ZFP2: variants seen among roughly 807,000 people sequenced by gnomAD.
The protein encoded by ZFP2 is ZFP2 zinc finger protein.
A neutral mutation model predicts 36.1 loss-of-function variants in ZFP2; 33 were observed. The observed-to-expected ratio is 0.92, with a 90% CI of 0.69 to 1.22. ZFP2 has a LOEUF of 1.22. Among genes scored for constraint, ZFP2 ranks in the 50% most tolerant of loss-of-function variants. ZFP2 has a pLI of 0.00. For synonymous variants in ZFP2, 170 were observed against 178.0 expected, an observed-to-expected ratio of 0.96 and a Z score of 0.36; for missense variants, 522 against 551.4, an observed-to-expected ratio of 0.95 and a Z score of 0.53.
intron 1 of ZFP2, among the ~76,000 whole-genome samples, chr5:178,903,933 G>A (rs529873331): frequency 6.6e-6 from 1 of 152,126 alleles, no homozygotes; most frequent in Non-Finnish European, 1.5e-5. Flanking sequence ...GAAGGTTGCC[G>A]TGAGCCAAGA....
chr5:178,916,226 G>C (rs7701607), intron 3 of ZFP2, among the ~76,000 whole-genome samples: 55,038 of 151,890 alleles, frequency 0.36, 10,202 homozygotes, highest in East Asian at 0.49. Context: ...ATGCCTGTTG[G>C]ATTTGGTGAT....
intron 4 of ZFP2, among the ~76,000 whole-genome samples, chr5:178,921,244 G>A (rs1758555973): frequency 2.0e-5 from 3 of 152,160 alleles, no homozygotes. Context: ...TCATGTTCCC[G>A]AATTCTCCCC....
At chr5:178,897,548 T>C (rs1184260564) in intron 1 of ZFP2, among the ~76,000 whole-genome samples, 1 of 152,206 alleles carries the variant, frequency 6.6e-6, no homozygotes, top group African/African-American at 2.4e-5. Flanking sequence ...TGTGTACATT[T>C]TTATTTTTTT....
chr5:178,914,393 A>G (rs1215846132), intron 3 of ZFP2, among the ~76,000 whole-genome samples: 1 of 152,190 alleles, frequency 6.6e-6, no homozygotes, highest in African/African-American at 2.4e-5. Context: ...TGGTCTTGCT[A>G]CATATTGCAC....
At chr5:178,899,176 G>A (rs76422400) in intron 1 of ZFP2, among the ~76,000 whole-genome samples, 20,907 of 152,092 alleles carry the variant, frequency 0.14, 1,666 homozygotes, top group African/African-American at 0.22. Flanking sequence ...TTAAATCCCA[G>A]CTCTACCATT....
chr5:178,932,542 A>T lies in ZFP2; in HGVS notation c.1229A>T (p.Tyr410Phe). 6.2e-7 allele frequency: 1 copy of T among 1,614,148 alleles called. No homozygotes were observed. The highest frequency in any genetic ancestry group is 1.1e-5 in the South Asian group (1 of 91,080). ...AGAATTCATACTGGTGAGAAACCCT[A>T]TGAATGTGATCAGTGTGGAAAAGCC... ...HQRIHTGEKPYECDQCGKAFI... is the reference protein window; with the variant it reads ...HQRIHTGEKPFECDQCGKAFI... The change falls in exon 5 of 5, where the codon TAT (tyrosine) becomes TTT (phenylalanine). Residue 410 changes from tyrosine to phenylalanine, a missense_variant. Physicochemically the swap from Tyr to Phe is conservative, Grantham distance 22 (BLOSUM62 3). Coordinates refer to ENST00000361362, the MANE Select transcript of ZFP2 (RefSeq NM_030613.4).
At chr5:178,923,544 A>G (rs1285803818) in intron 4 of ZFP2, among the ~76,000 whole-genome samples, 1 of 149,664 alleles carries the variant, frequency 6.7e-6, no homozygotes, top group East Asian at 1.9e-4. Context: ...TTTAAATAAT[A>G]GCAGAAATGG....
chr5:178,930,181 A>T (rs1007135981), intron 4 of ZFP2, among the ~76,000 whole-genome samples: 4 of 151,850 alleles, frequency 2.6e-5, no homozygotes, highest in Admixed American at 2.0e-4. Context: ...AACACTGGGG[A>T]TTACATTTCA....
chr5:178,908,207 G>A (rs1460201369), intron 1 of ZFP2, among the ~76,000 whole-genome samples: 2 of 152,080 alleles, frequency 1.3e-5, no homozygotes, highest in East Asian at 1.9e-4. Flanking sequence ...CCAGCACTTT[G>A]GGAGGCTAAG....
In ZFP2 at chr5:178,931,840, A is replaced by G. The variant is rs1364335768; in HGVS notation, c.527A>G (p.His176Arg). ...AGTCAGAGCATGAATCTTACTGTCC[A>G]TCAACGAACTCACACCGGAGAGAAA... ...AFSQSMNLTV[H>R]QRTHTGEKPY... is the part of the protein sequence containing the mutation. The change falls in exon 5 of 5, where the codon CAT (histidine) becomes CGT (arginine). Residue 176 changes from histidine (H) to arginine (R), a missense_variant. By Grantham distance (29) the His-to-Arg change is conservative (BLOSUM62 0). Transcript: ENST00000361362. The G allele has an allele frequency of 3.1e-6, 5 of 1,612,708 alleles. No homozygotes were observed. The South Asian group carries it at 3.3e-5, about 11-fold the overall frequency.
chr5:178,908,239 G>A (rs1241276590), intron 1 of ZFP2, among the ~76,000 whole-genome samples: 1 of 152,096 alleles, frequency 6.6e-6, no homozygotes, highest in Non-Finnish European at 1.5e-5. Flanking sequence ...ATGAGGTCAG[G>A]AGATCGAGAC....
chr5:178,909,933 T>G, intron 1 of ZFP2: 1 of 1,454,294 alleles, frequency 6.9e-7, no homozygotes, highest in Non-Finnish European at 9.6e-7. Flanking sequence ...CAAGGGGTTC[T>G]CTGTTAGGAA....
chr5:178,911,925 C>G (rs556526979), intron 1 of ZFP2, among the ~76,000 whole-genome samples: 1 of 152,214 alleles, frequency 6.6e-6, no homozygotes, highest in African/African-American at 2.4e-5. Context: ...CACTTGAGGT[C>G]AGGAGTTTGA....
At position 178,925,538 on chromosome 5, in the gene ZFP2, A is replaced by C. The variant is rs913207321; in HGVS notation, c.-77-5699A>C. On this transcript the variant is annotated intron_variant, in intron 4 of 4. Coordinates refer to ENST00000361362, the MANE Select transcript of ZFP2 (RefSeq NM_030613.4). The stretch of plus-strand genomic sequence containing the variant: ...AGTATGTGGAAGTTCCCACTATTGC[A>C]TCTTTCCAAAATCTGAAGCTGTCAG... Among the ~76,000 whole-genome samples the C allele has an allele frequency of 3.3e-5, 5 of 149,742 alleles. 1 individual carries two copies. In the South Asian group the frequency reaches 1.1e-3, roughly 31 times the overall value.
At chr5:178,922,014 A>T in intron 4 of ZFP2, 1 of 669,442 alleles carries the variant, frequency 1.5e-6, no homozygotes, top group Non-Finnish European at 2.8e-6. Flanking sequence ...AAAAACATTT[A>T]AAGCTCCTTC....
At chr5:178,901,389 C>T (rs1035775224) in intron 1 of ZFP2, among the ~76,000 whole-genome samples, 4 of 152,174 alleles carry the variant, frequency 2.6e-5, no homozygotes, top group Non-Finnish European at 4.4e-5. Context: ...TTTATTGTCT[C>T]ACAGTTTTGG....
At chr5:178,911,253 G>A (rs1379159674) in intron 1 of ZFP2, among the ~76,000 whole-genome samples, 1 of 152,160 alleles carries the variant, frequency 6.6e-6, no homozygotes, top group Non-Finnish European at 1.5e-5. Context: ...CCTAGTCTTG[G>A]ATGTGAAGTA....
intron 1 of ZFP2, among the ~76,000 whole-genome samples, chr5:178,908,271 A>AC (rs1316363057): frequency 1.6e-4 from 24 of 152,088 alleles, no homozygotes; most frequent in Non-Finnish European, 4.4e-5. Context: ...ACATGGTGAA[A>AC]CCCTGTCTCT....
chr5:178,930,945 T>G (rs1324893316), intron 4 of ZFP2, among the ~76,000 whole-genome samples: 4 of 152,210 alleles, frequency 2.6e-5, no homozygotes, highest in Non-Finnish European at 5.9e-5. Flanking sequence ...ACTCCAGTGG[T>G]CAGTGCCTTC....
Sources: gnomAD v4.1 joint callset for allele counts (sites outside exome capture counted in the v4.1 genomes callset) on GRCh38, gnomAD v4.1.1 for gene constraint, MANE v1.5 for transcripts, NCBI Gene and HGNC (gene_info 2026-07-23, HGNC 2026-07-21) for gene names.